Variants in TASP1 observed in about 807,000 individuals in gnomAD.
TASP1 encodes the protein threonine aspartase 1.
A neutral mutation model predicts 56.6 loss-of-function variants in TASP1; 16 were observed. The ratio of observed to expected loss-of-function variants is 0.28; its 90% confidence interval spans 0.19 to 0.43. The LOEUF (loss-of-function observed/expected upper bound fraction) is 0.43, where lower values mean the gene tolerates loss of function less well. Ranked by LOEUF, TASP1 falls within the 20% of genes least tolerant of loss-of-function variation. The pLI, the probability that TASP1 is intolerant of heterozygous loss-of-function variation, is 1.00. For synonymous variants in TASP1, 179 were observed against 184.2 expected (o/e 0.97, Z 0.23); for missense variants, 393 against 511.6 (o/e 0.77, Z 2.24).
chr20:13,105,462 A>G, the TASP1 span, among the ~76,000 whole-genome samples: 10,506 of 152,138 alleles, frequency 0.069, 388 homozygotes, highest in South Asian at 0.11. Context: ...CAGCGCGGCC[A>G]CCGAAAGTCT....
At chr20:13,109,992 T>C in the TASP1 span, 1 of 754,026 alleles carries the variant, frequency 1.3e-6, no homozygotes, top group Non-Finnish European at 2.1e-6. Flanking sequence ...TCTCTGATTC[T>C]GAATTTGTTC....
Position 13,559,025 on chromosome 20 carries a change from T to G in TASP1, c.658A>C (p.Arg220=). The part of the protein sequence containing the change: ...DTDFMQLKKR[R]QSSEKENDSG... Reference sequence around the variant, plus strand: ...CACCTGACCTTCTCACTTGATTGTCTTCTTTTCTTTAGTTGCATAAAATCT... The same window carrying G: ...CACCTGACCTTCTCACTTGATTGTCGTCTTTTCTTTAGTTGCATAAAATCT... The change falls in exon 8 of 14, where the codon AGA becomes CGA. Residue 220 remains arginine (R), a synonymous_variant. Coordinates refer to ENST00000337743, the MANE Select transcript of TASP1 (RefSeq NM_017714.3). 1 of 1,591,988 alleles carries G rather than the reference T, an allele frequency of 6.3e-7. No individual in the cohort carries two copies. The highest frequency in any genetic ancestry group is 1.2e-5 in the South Asian group (1 of 86,394).
the TASP1 span, among the ~76,000 whole-genome samples, chr20:13,189,534 C>T: frequency 6.6e-6 from 1 of 151,818 alleles, no homozygotes; most frequent in African/African-American, 2.4e-5. Flanking sequence ...CTCAAAGTGG[C>T]CAACAAACAT....
At chr20:13,603,135 G>A (rs574329930) in intron 4 of TASP1, among the ~76,000 whole-genome samples, 15 of 152,230 alleles carry the variant, frequency 9.9e-5, no homozygotes, top group African/African-American at 3.1e-4. Flanking sequence ...GGAGACTGAG[G>A]CTAGAGAATC....
the TASP1 span, among the ~76,000 whole-genome samples, chr20:13,221,216 C>CCTACTA: frequency 1.0e-5 from 1 of 100,286 alleles, no homozygotes; most frequent in Admixed American, 8.9e-5. Context: ...CTGAAGCCCT[C>CCTACTA]CTACTCCTCC....
chr20:13,297,474 C>A, the TASP1 span, among the ~76,000 whole-genome samples: 1 of 152,216 alleles, frequency 6.6e-6, no homozygotes, highest in Non-Finnish European at 1.5e-5. Context: ...TCACTGGAAT[C>A]TTTTTGTCTC....
the TASP1 span, among the ~76,000 whole-genome samples, chr20:13,286,080 C>A: frequency 6.6e-6 from 1 of 152,162 alleles, no homozygotes; most frequent in Non-Finnish European, 1.5e-5. Flanking sequence ...CTTACTCATT[C>A]CCCCTTTTTA....
At chr20:13,476,255 T>C (rs2042947998) in intron 11 of TASP1, among the ~76,000 whole-genome samples, 1 of 152,246 alleles carries the variant, frequency 6.6e-6, no homozygotes, top group African/African-American at 2.4e-5. Context: ...CTATTTTAGA[T>C]TCATATATGA....
chr20:13,299,582 G>C, the TASP1 span: 1 of 935,040 alleles, frequency 1.1e-6, no homozygotes, highest in Non-Finnish European at 1.6e-6. The surrounding 1 kb of genome is among the most constrained non-coding windows in gnomAD (Gnocchi z 5.8). Flanking sequence ...TATACCACAT[G>C]AGTATTTCTC....
At chr20:13,202,968 A>G in the TASP1 span, among the ~76,000 whole-genome samples, 1 of 152,228 alleles carries the variant, frequency 6.6e-6, no homozygotes, top group African/African-American at 2.4e-5. Flanking sequence ...ATATGTAAGG[A>G]GGCAGCTTTA....
the TASP1 span, among the ~76,000 whole-genome samples, chr20:13,155,692 G>T: frequency 6.6e-6 from 1 of 151,734 alleles, no homozygotes; most frequent in East Asian, 1.9e-4. Flanking sequence ...CGGGCGTGGT[G>T]GTGGGTGCCT....
the TASP1 span, among the ~76,000 whole-genome samples, chr20:13,217,204 T>C: frequency 1.3e-5 from 2 of 152,248 alleles, no homozygotes; most frequent in Non-Finnish European, 2.9e-5. Flanking sequence ...ATCATGAATT[T>C]GCTTAAAATA....
intron 10 of TASP1, among the ~76,000 whole-genome samples, chr20:13,486,524 AC>A (rs1302470777): frequency 6.6e-6 from 1 of 152,202 alleles, no homozygotes; most frequent in Non-Finnish European, 1.5e-5. Flanking sequence ...ATAAAAGAAA[AC>A]AAGCAAGCAT....
At chr20:13,144,461 T>C in the TASP1 span, among the ~76,000 whole-genome samples, 3 of 152,134 alleles carry the variant, frequency 2.0e-5, no homozygotes, top group Non-Finnish European at 2.9e-5. Flanking sequence ...GATCAGTAAA[T>C]TGAGGCTCAG....
intron 12 of TASP1, among the ~76,000 whole-genome samples, chr20:13,417,850 A>G (rs1483856477): frequency 6.6e-6 from 1 of 152,152 alleles, no homozygotes; most frequent in South Asian, 2.1e-4. Context: ...GTAATATTCC[A>G]TAGTGTGTTT....
intron 6 of TASP1, among the ~76,000 whole-genome samples, chr20:13,571,196 GTTGGATGTCATCT>G (rs2046700756): frequency 6.6e-6 from 1 of 152,158 alleles, no homozygotes; most frequent in African/African-American, 2.4e-5. Context: ...AAGGCAAATA[GTTGGATGTCATCT>G]TATGGATAAG....
chr20:13,535,258 T>C lies in TASP1; in HGVS notation c.676-1117A>G, dbSNP rs554240614. Among the ~76,000 whole-genome samples the C allele has an allele frequency of 2.6e-5, 4 of 152,296 alleles. No homozygotes were observed. The East Asian group carries it at 5.8e-4, about 22-fold the overall frequency. Reference sequence around the variant, plus strand: ...AGCTCCCGGGCCCATCTCAGAAGTTTAGCAACATTGAAGAGTTTCTAAATA... The same window carrying C: ...AGCTCCCGGGCCCATCTCAGAAGTTCAGCAACATTGAAGAGTTTCTAAATA... On this transcript the variant is annotated intron_variant, in intron 8 of 13. Transcript: ENST00000337743.
chr20:13,368,477 A>G, the TASP1 span: 16 of 152,322 alleles, frequency 1.1e-4, no homozygotes, highest in East Asian at 2.5e-3. Flanking sequence ...AAACCACTTT[A>G]TAGAGAGCTT....
At chr20:13,598,565 A>C (rs2047833500) in intron 4 of TASP1, among the ~76,000 whole-genome samples, 1 of 152,228 alleles carries the variant, frequency 6.6e-6, no homozygotes, top group Non-Finnish European at 1.5e-5. Flanking sequence ...TGTTAGACCT[A>C]AAACCATAAA....
Sources: gnomAD v4.1 joint callset for allele counts (sites outside exome capture counted in the v4.1 genomes callset) on GRCh38, gnomAD v4.1.1 for gene constraint, Gnocchi (gnomAD v3.1) non-coding constraint, MANE v1.5 for transcripts, NCBI Gene and HGNC (gene_info 2026-07-23, HGNC 2026-07-21) for gene names.